PSTPIP2: variants seen among roughly 807,000 people sequenced by gnomAD.
The protein encoded by PSTPIP2 is proline-serine-threonine phosphatase interacting protein 2, also known as proline-serine-threonine phosphatase-interacting protein 2.
PSTPIP2 carries 33 observed loss-of-function variants against 63.3 expected under a neutral mutation model. The ratio of observed to expected loss-of-function variants is 0.52; its 90% CI spans 0.40 to 0.70. The LOEUF is 0.70. Ranked by LOEUF, PSTPIP2 falls within the 30% of genes least tolerant of loss-of-function variation. The pLI is 0.00. For missense variants in PSTPIP2, 312 were observed against 400.7 expected (o/e 0.78, Z 1.89); for synonymous variants, 125 against 132.7 (o/e 0.94, Z 0.40).
chr18:46,043,224 T>TAAA (rs34454812), intron 1 of PSTPIP2, among the ~76,000 whole-genome samples: 1,316 of 77,278 alleles, frequency 0.017, 65 homozygotes, highest in African/African-American at 0.056. Flanking sequence ...CACCTCTCCT[T>TAAA]AAAAAAAAAA....
chr18:46,014,766 T>A (rs545829889), intron 4 of PSTPIP2, among the ~76,000 whole-genome samples: 1 of 152,250 alleles, frequency 6.6e-6, no homozygotes, highest in Non-Finnish European at 1.5e-5. Flanking sequence ...GCCTGTAAGA[T>A]CATGAGTTCA....
intron 1 of PSTPIP2, among the ~76,000 whole-genome samples, chr18:46,041,757 A>G (rs1908203404): frequency 1.3e-5 from 2 of 152,026 alleles, no homozygotes; most frequent in African/African-American, 4.8e-5. Flanking sequence ...AATGCATACA[A>G]TGGGTTGTCT....
chr18:46,029,204 C>A, intron 2 of PSTPIP2: 2 of 1,061,428 alleles, frequency 1.9e-6, no homozygotes, highest in Non-Finnish European at 2.9e-6. Flanking sequence ...AATTCCTGTG[C>A]ATCAAGTGAG....
chr18:46,018,450 C>A (rs1252964423), intron 3 of PSTPIP2, among the ~76,000 whole-genome samples: 1 of 151,956 alleles, frequency 6.6e-6, no homozygotes, highest in African/African-American at 2.4e-5. Context: ...ACGCACCCAA[C>A]TTCTGCCTCC....
At chr18:46,062,602 G>A (rs1319595726) in intron 1 of PSTPIP2, among the ~76,000 whole-genome samples, 1 of 151,856 alleles carries the variant, frequency 6.6e-6, no homozygotes, top group African/African-American at 2.4e-5. Context: ...TCGGCTCACT[G>A]CAACCTCTGC....
intron 1 of PSTPIP2, among the ~76,000 whole-genome samples, chr18:46,060,264 T>A (rs1908942108): frequency 6.6e-6 from 1 of 152,184 alleles, no homozygotes; most frequent in African/African-American, 2.4e-5. Context: ...TTCCTTAAAT[T>A]TTTGAAAGTG....
At position 46,063,038 on chromosome 18, in the gene PSTPIP2, T is replaced by C. The variant is rs146082924; in HGVS notation, c.33+9118A>G. On this transcript the variant is annotated intron_variant, in intron 1 of 14. Coordinates refer to ENST00000409746, the MANE Select transcript of PSTPIP2 (RefSeq NM_024430.4). ...TTTTTAGTGAGACAGCGTCTTGCTC[T>C]GTCATCCAGGTTGCAGTGCAGTGGT... Among the ~76,000 whole-genome samples, 321 of 152,318 alleles carry C rather than the reference T, an allele frequency of 2.1e-3. 2 individuals are homozygous for C. The highest frequency in any genetic ancestry group is 7.2e-3 in the African/African-American group (300 of 41,572).
chr18:46,005,359 A>G (rs2051713817), intron 6 of PSTPIP2, 110 bp downstream of exon 6: 1 of 962,864 alleles, frequency 1.0e-6, no homozygotes, highest in African/African-American at 1.7e-5. Context: ...CTGCACTAAT[A>G]AATAATAACA....
intron 1 of PSTPIP2, among the ~76,000 whole-genome samples, chr18:46,042,306 C>G (rs1465308499): frequency 6.6e-6 from 1 of 152,110 alleles, no homozygotes; most frequent in Non-Finnish European, 1.5e-5. Context: ...TCTAACTGCC[C>G]CTGAAATGAA....
At chr18:46,068,713 G>T (rs2144140693) in intron 1 of PSTPIP2, among the ~76,000 whole-genome samples, 1 of 152,082 alleles carries the variant, frequency 6.6e-6, no homozygotes, top group South Asian at 2.1e-4. Flanking sequence ...TATTGAAAAA[G>T]AAAAAAGAAA....
chr18:45,987,254 G>A (rs756494024), intron 14 of PSTPIP2, among the ~76,000 whole-genome samples: 1 of 152,192 alleles, frequency 6.6e-6, no homozygotes, highest in Non-Finnish European at 1.5e-5. Context: ...AATGTTTGAT[G>A]TGCTCACTTT....
chr18:46,004,332 G>A (rs564506655), intron 6 of PSTPIP2, among the ~76,000 whole-genome samples: 9 of 152,200 alleles, frequency 5.9e-5, no homozygotes, highest in South Asian at 2.1e-4. Flanking sequence ...ATGATACTTC[G>A]GTGTCAAGAT....
chr18:46,001,283 C>T (rs1450385179), intron 6 of PSTPIP2, among the ~76,000 whole-genome samples: 4 of 152,182 alleles, frequency 2.6e-5, no homozygotes, highest in Non-Finnish European at 5.9e-5. Flanking sequence ...TGATAACAGC[C>T]ATCCTAACTG....
chr18:46,043,860 G>C (rs1293349011), intron 1 of PSTPIP2, among the ~76,000 whole-genome samples: 1 of 151,634 alleles, frequency 6.6e-6, no homozygotes. Context: ...TGGAAAAAAA[G>C]GAAAGAAAAA....
At chr18:46,061,630 T>C (rs1908996509) in intron 1 of PSTPIP2, among the ~76,000 whole-genome samples, 1 of 152,026 alleles carries the variant, frequency 6.6e-6, no homozygotes. Context: ...ATAGGACAGG[T>C]AGATGAGGAA....
At chr18:46,028,680 C>T (rs1325595399) in intron 2 of PSTPIP2, 2 of 862,818 alleles carry the variant, frequency 2.3e-6, no homozygotes, top group African/African-American at 1.7e-5. Context: ...GATGAACAAT[C>T]GGTTTCGGAA....
chr18:46,058,970 AGTAT>A (rs997888177), intron 1 of PSTPIP2, among the ~76,000 whole-genome samples: 4 of 151,916 alleles, frequency 2.6e-5, no homozygotes, highest in African/African-American at 9.7e-5. Flanking sequence ...GGTCTGAACA[AGTAT>A]ACTTGCTCTT....
At chr18:46,016,641 C>T (rs866132422) in intron 3 of PSTPIP2, among the ~76,000 whole-genome samples, 1 of 152,298 alleles carries the variant, frequency 6.6e-6, no homozygotes, top group Middle Eastern at 3.4e-3. Flanking sequence ...ACAAACTTAG[C>T]AGCATAAAAC....
rs1174617273 is a variant in PSTPIP2, at chr18:46,011,716, T to G, written c.248-429A>C. On this transcript the variant is annotated intron_variant, in intron 4 of 14. Coordinates refer to ENST00000409746, the MANE Select transcript of PSTPIP2 (RefSeq NM_024430.4). The stretch of plus-strand genomic sequence containing the variant: ...ATAAGAAAGGTCATATGCCAAAATT[T>G]TGGCTACCAATAGTTATCTCTGGGT... 2.6e-5 allele frequency among the ~76,000 whole-genome samples: 4 copies of G among 152,348 alleles called. No homozygotes were observed. The East Asian group carries it at 7.7e-4, about 29-fold the overall frequency.
Sources: allele counts gnomAD v4.1 joint callset (sites outside exome capture counted in the v4.1 genomes callset), GRCh38; gene constraint gnomAD v4.1.1; transcripts MANE v1.5; gene names NCBI Gene and HGNC (gene_info 2026-07-23, HGNC 2026-07-21).